The following EPB41L4B variants were observed in gnomAD, a reference collection of about 807,000 sequenced individuals.
EPB41L4B encodes erythrocyte membrane protein band 4.1 like 4B, also known as band 4.1-like protein 4B.
A neutral mutation model predicts 112.5 loss-of-function variants in EPB41L4B; 30 were observed. The observed-to-expected ratio is 0.27, with a 90% CI of 0.20 to 0.36. EPB41L4B has a LOEUF of 0.36. EPB41L4B is among the 10% of genes least tolerant of loss of function. EPB41L4B has a pLI of 1.00. For missense variants in EPB41L4B, 1,024 were observed against 1,133.3 expected, an observed-to-expected ratio of 0.90 and a Z score of 1.38; for synonymous variants, 408 against 439.7, an observed-to-expected ratio of 0.93 and a Z score of 0.90.
In EPB41L4B at chr9:109,281,983, C is replaced by T. The variant is rs558732277; in HGVS notation, c.307-2062G>A. Among the ~76,000 whole-genome samples the T allele has an allele frequency of 3.3e-5, 5 of 152,258 alleles. No homozygotes were observed. In the South Asian group the frequency reaches 1.0e-3, roughly 32 times the overall value. ...TATTTATAATATTCAAAGGTAGAAA[C>T]AACCCAAATATCTATCAACTGATGA... On this transcript the variant is annotated intron_variant, in intron 1 of 25. Transcript: ENST00000374566.
intron 15 of EPB41L4B, among the ~76,000 whole-genome samples, chr9:109,220,876 A>G (rs1192551181): frequency 6.6e-6 from 1 of 152,202 alleles, no homozygotes; most frequent in East Asian, 1.9e-4. Context: ...AACCTGAAAC[A>G]TAACCAGAGT....
At chr9:109,311,225 C>CA (rs1026997581) in intron 1 of EPB41L4B, among the ~76,000 whole-genome samples, 20 of 151,852 alleles carry the variant, frequency 1.3e-4, no homozygotes, top group Non-Finnish European at 2.4e-4. Context: ...CCATGATTTT[C>CA]AAAAAAATTC....
At chr9:109,249,488 CT>C (rs200683848) in intron 13 of EPB41L4B, among the ~76,000 whole-genome samples, 27 of 139,888 alleles carry the variant, frequency 1.9e-4, no homozygotes, top group South Asian at 2.3e-4. Flanking sequence ...TTTATCAGGG[CT>C]TTTTTTTTTG....
chr9:109,308,406 C>T (rs1281966968), intron 1 of EPB41L4B, among the ~76,000 whole-genome samples: 1 of 152,048 alleles, frequency 6.6e-6, no homozygotes, highest in Admixed American at 6.6e-5. Flanking sequence ...CGGAAAGTAA[C>T]AAACTGTAAT....
At position 109,194,265 on chromosome 9, in the gene EPB41L4B, C is replaced by T. The variant is rs760018404; in HGVS notation, c.2178G>A (p.Ser726=). 1.4e-5 allele frequency: 22 copies of T among 1,614,054 alleles called. No individual in the cohort carries two copies. Among genetic ancestry groups the T allele is most frequent in the African/African-American group, 6.7e-5 (5 of 74,912 alleles). The change falls in exon 21 of 26, where the codon TCG becomes TCA. Residue 726 remains serine (S), a synonymous_variant. Transcript: ENST00000374566. ...LPSPKVQNVS[S]PHKSEGKGLL... ...GGCCTTTGCCTTCTGACTTGTGAGG[C>T]GAGCTGACATTCTGGACCTTGGGGG...
At chr9:109,281,018 C>T (rs540290928) in intron 1 of EPB41L4B, among the ~76,000 whole-genome samples, 6 of 152,134 alleles carry the variant, frequency 3.9e-5, no homozygotes, top group African/African-American at 1.4e-4. Flanking sequence ...GAATAAAACA[C>T]AGGCATAAAG....
In EPB41L4B at chr9:109,266,646, A is replaced by G. The variant is rs1374945175; in HGVS notation, c.533+827T>C. 2.0e-5 allele frequency among the ~76,000 whole-genome samples: 3 copies of G among 152,176 alleles called. No individual in the cohort carries two copies. In the East Asian group the frequency reaches 5.8e-4, roughly 29 times the overall value. On this transcript the variant is annotated intron_variant, in intron 4 of 25. Coordinates refer to ENST00000374566, the MANE Select transcript of EPB41L4B (RefSeq NM_019114.5). ...TTCTTCTTCCCTGTTTCTGAAGTCC[A>G]AGACATAGACATGGGCAAACAAAAC...
At chr9:109,236,540 C>T (rs1421690631) in intron 15 of EPB41L4B, among the ~76,000 whole-genome samples, 1 of 152,156 alleles carries the variant, frequency 6.6e-6, no homozygotes, top group African/African-American at 2.4e-5. Context: ...GGACTGCCCA[C>T]CTCAGGCTGT....
intron 14 of EPB41L4B, among the ~76,000 whole-genome samples, chr9:109,244,497 G>A (rs190777260): frequency 0.011 from 1,320 of 125,392 alleles, 11 homozygotes; most frequent in Middle Eastern, 0.049. Flanking sequence ...CCAGGCTGGA[G>A]TGCAATGGCA....
intron 15 of EPB41L4B, among the ~76,000 whole-genome samples, chr9:109,217,762 A>G (rs185200811): frequency 6.6e-6 from 1 of 152,224 alleles, no homozygotes; most frequent in African/African-American, 2.4e-5. Context: ...TTGTAGAGAC[A>G]GGATCTCGCT....
intron 1 of EPB41L4B, among the ~76,000 whole-genome samples, chr9:109,282,252 G>A (rs1170811561): frequency 1.3e-5 from 2 of 152,080 alleles, no homozygotes; most frequent in Admixed American, 6.5e-5. Flanking sequence ...TTTGGGGGAC[G>A]ACAGCTAAGG....
chr9:109,253,385 G>A (rs1834865751), intron 12 of EPB41L4B, 56 bp downstream of exon 12: 1 of 1,263,148 alleles, frequency 7.9e-7, no homozygotes, highest in African/African-American at 1.5e-5. Flanking sequence ...CTCCTCGAGG[G>A]CTTAAATGAC....
chr9:109,277,679 AG>A (rs1835886420), intron 2 of EPB41L4B, among the ~76,000 whole-genome samples: 4 of 152,174 alleles, frequency 2.6e-5, no homozygotes, highest in Middle Eastern at 3.2e-3. Flanking sequence ...GCCAGGGGAC[AG>A]TCACGGGGGC....
chr9:109,314,641 C>CCCA (rs1554766781), intron 1 of EPB41L4B, among the ~76,000 whole-genome samples: 19 of 151,774 alleles, frequency 1.3e-4, no homozygotes, highest in South Asian at 4.2e-4. Context: ...CTCACCCCCC[C>CCCA]CCACCTCAGC....
chr9:109,240,161 A>G (rs1465945860), intron 15 of EPB41L4B: 3 of 985,280 alleles, frequency 3.0e-6, no homozygotes, highest in Non-Finnish European at 3.6e-6. Context: ...TCAAAAAAAA[A>G]GCAAGAATAA....
intron 17 of EPB41L4B, among the ~76,000 whole-genome samples, chr9:109,210,189 C>T (rs1027721538): frequency 7.2e-5 from 11 of 152,264 alleles, no homozygotes; most frequent in Non-Finnish European, 1.3e-4. Context: ...GCTCATTTGA[C>T]TGGATTCATT....
chr9:109,223,042 G>A (rs1488604555), intron 15 of EPB41L4B, among the ~76,000 whole-genome samples: 1 of 152,076 alleles, frequency 6.6e-6, no homozygotes, highest in African/African-American at 2.4e-5. Context: ...TGTTACAGGG[G>A]CTCTTCCAGC....
chr9:109,240,561 T>A, intron 15 of EPB41L4B: 1 of 985,270 alleles, frequency 1.0e-6, no homozygotes, highest in East Asian at 1.1e-4. Flanking sequence ...GAGAAAAAAA[T>A]GTTTGACTCA....
chr9:109,186,541 C>G lies in EPB41L4B; in HGVS notation c.2302-936G>C, dbSNP rs1398674682. Reference sequence around the variant, plus strand: ...CCAGGCTGGAGTGCAGTCGTGTGATCACAGCTCATGGCAGCCTTAAAATCC... The same window carrying G: ...CCAGGCTGGAGTGCAGTCGTGTGATGACAGCTCATGGCAGCCTTAAAATCC... On this transcript the variant is annotated intron_variant, in intron 22 of 25. Coordinates refer to ENST00000374566, the MANE Select transcript of EPB41L4B (RefSeq NM_019114.5). Among the ~76,000 whole-genome samples, 2 of 152,212 alleles carry G rather than the reference C, an allele frequency of 1.3e-5. 1 individual carries two copies. The highest frequency in any genetic ancestry group is 4.1e-4 in the South Asian group (2 of 4,820).
Sources: allele counts gnomAD v4.1 joint callset (sites outside exome capture counted in the v4.1 genomes callset), GRCh38; gene constraint gnomAD v4.1.1; transcripts MANE v1.5; gene names NCBI Gene and HGNC (gene_info 2026-07-23, HGNC 2026-07-21).